TANGO6: variants seen among roughly 807,000 people sequenced by gnomAD.
The protein encoded by TANGO6 is transport and Golgi organization protein 6 homolog.
A neutral mutation model predicts 114.2 loss-of-function variants in TANGO6; 90 were observed. That is an observed-to-expected ratio of 0.79 (90% CI 0.66 to 0.94). The LOEUF (loss-of-function observed/expected upper bound fraction) is 0.94, where lower values mean the gene tolerates loss of function less well. Ranked by LOEUF, TANGO6 falls within the 40% of genes least tolerant of loss-of-function variation. The pLI, the probability that TANGO6 is intolerant of heterozygous loss-of-function variation, is 0.00. For missense variants in TANGO6, 1,274 were observed against 1,315.3 expected, an observed-to-expected ratio of 0.97 and a Z score of 0.49; for synonymous variants, 477 against 509.8, an observed-to-expected ratio of 0.94 and a Z score of 0.87.
At position 68,974,055 on chromosome 16, in the gene TANGO6, C is replaced by A; in HGVS notation, c.2729C>A (p.Pro910His). 2 of 1,611,872 alleles carry A rather than the reference C, an allele frequency of 1.2e-6. No homozygotes were observed. Among genetic ancestry groups the A allele is most frequent in the South Asian group, 2.2e-5 (2 of 90,588 alleles). The change falls in exon 15 of 18, where the codon CCT (proline) becomes CAT (histidine). Residue 910 changes from proline (P) to histidine (H), a missense_variant. By Grantham distance (77) the Pro-to-His change is moderately conservative. Transcript: ENST00000261778. ...QGVALLSDVYPEKILPDLLAQ... is the reference protein window; with the variant it reads ...QGVALLSDVYHEKILPDLLAQ... ...GTTGCCCTGCTGTCAGACGTCTATC[C>A]TGAGAAAATCTTGCCGGACTTGTTG...
At chr16:68,943,736 A>C (rs921608827) in intron 14 of TANGO6, among the ~76,000 whole-genome samples, 5 of 152,096 alleles carry the variant, frequency 3.3e-5, no homozygotes, top group Admixed American at 2.6e-4. Context: ...TAAGATAAGA[A>C]TCTCCTCATT....
intron 12 of TANGO6, among the ~76,000 whole-genome samples, chr16:68,925,464 C>G (rs1177504164): frequency 6.6e-6 from 1 of 152,078 alleles, no homozygotes; most frequent in Non-Finnish European, 1.5e-5. Context: ...TCAGGTTGTT[C>G]ATTTTCTTAT....
intron 17 of TANGO6, among the ~76,000 whole-genome samples, chr16:69,048,891 G>A (rs1597071721): frequency 6.6e-6 from 1 of 152,088 alleles, no homozygotes; most frequent in African/African-American, 2.4e-5. Context: ...ACTAGGCTGG[G>A]GACAGACCCA....
At chr16:68,959,511 T>TG (rs1341885920) in intron 14 of TANGO6, among the ~76,000 whole-genome samples, 1 of 151,766 alleles carries the variant, frequency 6.6e-6, no homozygotes. Flanking sequence ...TGCTTGAACC[T>TG]GGGGGGTGGA....
At chr16:68,991,492 T>G (rs922405158) in intron 15 of TANGO6, among the ~76,000 whole-genome samples, 5 of 152,038 alleles carry the variant, frequency 3.3e-5, no homozygotes, top group Admixed American at 6.6e-5. Flanking sequence ...AAAGGAAAAA[T>G]TAGCCAGGTG....
chr16:69,001,416 G>A (rs1391421385), intron 15 of TANGO6, among the ~76,000 whole-genome samples: 1 of 151,932 alleles, frequency 6.6e-6, no homozygotes, highest in Admixed American at 6.6e-5. Flanking sequence ...ACACTAAAAG[G>A]CACTAAAGTT....
chr16:69,006,345 A>G (rs1964091841), intron 15 of TANGO6, among the ~76,000 whole-genome samples: 1 of 152,170 alleles, frequency 6.6e-6, no homozygotes, highest in Admixed American at 6.5e-5. Flanking sequence ...CTTTTCTAGT[A>G]TGTGAATATT....
intron 14 of TANGO6, among the ~76,000 whole-genome samples, chr16:68,955,329 G>T (rs1963518883): frequency 6.6e-6 from 1 of 152,172 alleles, no homozygotes; most frequent in Admixed American, 6.6e-5. Flanking sequence ...TCTATTATTT[G>T]TCTTGCAATT....
At chr16:68,881,134 G>C (rs1009436633) in intron 7 of TANGO6, among the ~76,000 whole-genome samples, 12 of 152,206 alleles carry the variant, frequency 7.9e-5, no homozygotes, top group African/African-American at 2.9e-4. Context: ...TTGAAACCCT[G>C]TTAATTACAT....
At chr16:69,061,167 T>C (rs1433069272) in intron 17 of TANGO6, among the ~76,000 whole-genome samples, 1 of 152,004 alleles carries the variant, frequency 6.6e-6, no homozygotes, top group Non-Finnish European at 1.5e-5. Flanking sequence ...GTTGTTGCAG[T>C]TGGGTTATGG....
intron 15 of TANGO6, among the ~76,000 whole-genome samples, chr16:68,988,372 T>TG (rs1195365236): frequency 6.6e-6 from 1 of 152,206 alleles, no homozygotes; most frequent in Admixed American, 6.5e-5. Flanking sequence ...GCCTCAGAGC[T>TG]GCTTTTCTTC....
chr16:68,881,709 A>AG (rs1962464576), intron 7 of TANGO6, among the ~76,000 whole-genome samples: 1 of 152,232 alleles, frequency 6.6e-6, no homozygotes, highest in Non-Finnish European at 1.5e-5. Flanking sequence ...TTCTATTCAT[A>AG]GAAAAAAAGT....
chr16:68,990,899 G>A (rs184459408), intron 15 of TANGO6, among the ~76,000 whole-genome samples: 34 of 152,098 alleles, frequency 2.2e-4, no homozygotes, highest in East Asian at 3.8e-4. Context: ...AAATTACTTC[G>A]GTCACTCTGT....
intron 15 of TANGO6, among the ~76,000 whole-genome samples, chr16:69,018,400 G>C (rs1374032478): frequency 1.3e-5 from 2 of 149,240 alleles, no homozygotes; most frequent in Admixed American, 6.7e-5. Flanking sequence ...TGCCCGCCTC[G>C]GCCTCCCAAA....
In TANGO6 at chr16:68,968,770, A is replaced by C. The variant is rs1201953794; in HGVS notation, c.2702-5258A>C. ...ACTGCAAGCTCCACCTCCCGGGTTC[A>C]CGCCATTCTCCTGCCTCAGCCTCCC... On this transcript the variant is annotated intron_variant, in intron 14 of 17. Coordinates refer to ENST00000261778, the MANE Select transcript of TANGO6 (RefSeq NM_024562.2). 4.2e-5 allele frequency among the ~76,000 whole-genome samples: 6 copies of C among 142,278 alleles called. No individual in the cohort carries two copies. In the East Asian group the frequency reaches 1.2e-3, roughly 29 times the overall value. 93.3% of individuals were successfully genotyped at this position (142,278 alleles called of 152,430 possible).
intron 17 of TANGO6, among the ~76,000 whole-genome samples, chr16:69,059,709 C>T (rs567916845): frequency 5.3e-4 from 81 of 151,462 alleles, no homozygotes; most frequent in African/African-American, 1.5e-3. Context: ...TTAGTAGAGA[C>T]GAGGTTTCAC....
chr16:68,989,169 T>A (rs1188503776), intron 15 of TANGO6, among the ~76,000 whole-genome samples: 2 of 152,166 alleles, frequency 1.3e-5, no homozygotes, highest in Non-Finnish European at 2.9e-5. Context: ...AGCCCATGAT[T>A]CTTAATCTCC....
At chr16:68,971,126 G>A (rs1963700483) in intron 14 of TANGO6, among the ~76,000 whole-genome samples, 1 of 151,196 alleles carries the variant, frequency 6.6e-6, no homozygotes, top group African/African-American at 2.4e-5. Context: ...CACTCCAGTT[G>A]GGTGACAGAG....
chr16:69,014,013 C>T (rs1484020478), intron 15 of TANGO6, among the ~76,000 whole-genome samples: 1 of 152,080 alleles, frequency 6.6e-6, no homozygotes, highest in African/African-American at 2.4e-5. Context: ...TATTGATAGA[C>T]ATAGGATTGA....
Sources: allele counts gnomAD v4.1 joint callset (sites outside exome capture counted in the v4.1 genomes callset), GRCh38; gene constraint gnomAD v4.1.1; transcripts MANE v1.5; gene names NCBI Gene and HGNC (gene_info 2026-07-23, HGNC 2026-07-21).